Variants in SEMA5A observed in about 807,000 individuals in gnomAD.
SEMA5A encodes the protein semaphorin 5A.
A neutral mutation model predicts 135.5 loss-of-function variants in SEMA5A; 55 were observed. That is an observed-to-expected ratio of 0.41 (90% CI 0.33 to 0.51). SEMA5A has a LOEUF of 0.51. Ranked by LOEUF, SEMA5A falls within the 20% of genes least tolerant of loss-of-function variation. The pLI is 0.37. For synonymous variants in SEMA5A, 580 were observed against 546.5 expected (o/e 1.06, Z -0.85); for missense variants, 1,290 against 1,419.9 (o/e 0.91, Z 1.47).
intron 9 of SEMA5A, among the ~76,000 whole-genome samples, chr5:9,201,219 T>G (rs1182301148): frequency 1.3e-5 from 2 of 152,062 alleles, no homozygotes; most frequent in Non-Finnish European, 2.9e-5. Flanking sequence ...CACGTGCTCC[T>G]CCTGAGTCTT....
At chr5:9,197,024 A>G in intron 10 of SEMA5A, 144 bp downstream of exon 10, 1 of 1,133,496 alleles carries the variant, frequency 8.8e-7, no homozygotes, top group Non-Finnish European at 1.2e-6. Context: ...TAGCCAGCAG[A>G]GTATGGGGCT....
chr5:9,122,976 C>T (rs1740897438), intron 13 of SEMA5A, 139 bp from the exon 14 acceptor site: 2 of 767,524 alleles, frequency 2.6e-6, no homozygotes. Context: ...AGAAAAAGGG[C>T]CAGGCGCGGT....
rs1337337402 is a variant in SEMA5A at position 9,041,492 on chromosome 5, T to C, written c.*1405A>G. 1 of 152,212 alleles carries C rather than the reference T, an allele frequency of 6.6e-6. No individual in the cohort carries two copies. Among genetic ancestry groups the C allele is most frequent in the African/African-American group, 2.4e-5 (1 of 41,450 alleles). The allele number at this position is 152,212 out of a possible 1,614,324, so 9.4% of individuals were successfully genotyped here. ...TTTGTGAGAAAATTATATATTTTTT[T>C]CCAGGGACCTCTGTGAATGGTGTTA... On this transcript the variant is annotated 3_prime_UTR_variant, in exon 23 of 23. Transcript: ENST00000382496.
intron 8 of SEMA5A, among the ~76,000 whole-genome samples, chr5:9,208,134 T>G (rs1746148625): frequency 6.6e-6 from 1 of 152,234 alleles, no homozygotes; most frequent in Non-Finnish European, 1.5e-5. Context: ...CAAACGCACT[T>G]TGCTGGTAAT....
At chr5:9,222,575 C>T (rs1747068475) in intron 8 of SEMA5A, among the ~76,000 whole-genome samples, 1 of 152,170 alleles carries the variant, frequency 6.6e-6, no homozygotes, top group South Asian at 2.1e-4. Flanking sequence ...GTGGTAGAGC[C>T]ACCGTATTGA....
intron 4 of SEMA5A, among the ~76,000 whole-genome samples, chr5:9,334,801 A>C (rs1753309361): frequency 6.6e-6 from 1 of 152,204 alleles, no homozygotes; most frequent in East Asian, 1.9e-4. Context: ...TACTTATGAT[A>C]AACATATAAA....
chr5:9,303,996 T>C (rs12659751), intron 5 of SEMA5A, among the ~76,000 whole-genome samples: 25,759 of 152,068 alleles, frequency 0.17, 2,371 homozygotes, highest in East Asian at 0.24. Flanking sequence ...ACATGGAAAA[T>C]TGATTTTATC....
intron 3 of SEMA5A, among the ~76,000 whole-genome samples, chr5:9,374,534 G>C (rs1755277642): frequency 6.6e-6 from 1 of 152,036 alleles, no homozygotes; most frequent in Non-Finnish European, 1.5e-5. Context: ...TTACAAAAAA[G>C]CGTTCACGGG....
At chr5:9,157,566 T>C (rs1444835525) in intron 11 of SEMA5A, among the ~76,000 whole-genome samples, 2 of 152,174 alleles carry the variant, frequency 1.3e-5, no homozygotes, top group African/African-American at 4.8e-5. Context: ...CTGCCACTCC[T>C]GCAGCTTCCT....
chr5:9,084,407 T>C (rs541077059), intron 16 of SEMA5A, among the ~76,000 whole-genome samples: 4 of 152,308 alleles, frequency 2.6e-5, no homozygotes, highest in Admixed American at 6.5e-5. Context: ...AAATCTCATC[T>C]TGTAGCTCCC....
At chr5:9,265,007 A>C (rs932490491) in intron 5 of SEMA5A, among the ~76,000 whole-genome samples, 6 of 152,268 alleles carry the variant, frequency 3.9e-5, no homozygotes, top group Non-Finnish European at 8.8e-5. Context: ...AATTCCTTCT[A>C]ATCTTACTTT....
chr5:9,162,560 G>GTATATA (rs760785096), intron 11 of SEMA5A, among the ~76,000 whole-genome samples: 316 of 28,006 alleles, frequency 0.011, 8 homozygotes, highest in African/African-American at 0.049. Flanking sequence ...ATGTGTGTGT[G>GTATATA]TGTGTATATA....
intron 5 of SEMA5A, among the ~76,000 whole-genome samples, chr5:9,311,941 A>G (rs1056252910): frequency 2.0e-5 from 3 of 152,140 alleles, no homozygotes; most frequent in African/African-American, 7.2e-5. Flanking sequence ...GTGAGAAACA[A>G]GCAGTGAATT....
At chr5:9,523,948 G>A (rs147637390) in intron 1 of SEMA5A, among the ~76,000 whole-genome samples, 1 of 152,146 alleles carries the variant, frequency 6.6e-6, no homozygotes, top group South Asian at 2.1e-4. Flanking sequence ...ATTAAGATGA[G>A]GTCTAATATG....
At chr5:9,331,766 C>T (rs1347364506) in intron 4 of SEMA5A, among the ~76,000 whole-genome samples, 2 of 152,190 alleles carry the variant, frequency 1.3e-5, no homozygotes, top group East Asian at 3.8e-4. Flanking sequence ...TTTTAATGCA[C>T]CTAAGTTTAT....
intron 3 of SEMA5A, among the ~76,000 whole-genome samples, chr5:9,361,340 C>T (rs1754687048): frequency 1.3e-5 from 2 of 151,082 alleles, no homozygotes; most frequent in South Asian, 4.2e-4. Flanking sequence ...ACAACAAAAA[C>T]TCAATTCTAT....
chr5:9,312,974 G>T (rs1300557270), intron 5 of SEMA5A, among the ~76,000 whole-genome samples: 1 of 152,118 alleles, frequency 6.6e-6, no homozygotes, highest in African/African-American at 2.4e-5. Context: ...AGAATGGTGG[G>T]AGAGGAGTGG....
intron 4 of SEMA5A, among the ~76,000 whole-genome samples, chr5:9,330,102 T>C (rs1370546136): frequency 1.3e-5 from 2 of 151,000 alleles, no homozygotes; most frequent in Non-Finnish European, 2.9e-5. Context: ...ACTGTTGTAC[T>C]AGGCTGATAT....
intron 1 of SEMA5A, among the ~76,000 whole-genome samples, chr5:9,509,432 G>A (rs1392519925): frequency 4.0e-5 from 6 of 151,834 alleles, no homozygotes; most frequent in Non-Finnish European, 8.8e-5. Context: ...ACACCACCAC[G>A]CCCGGCTAAT....
Sources: allele counts gnomAD v4.1 joint callset (sites outside exome capture counted in the v4.1 genomes callset), GRCh38; gene constraint gnomAD v4.1.1; transcripts MANE v1.5; gene names NCBI Gene and HGNC (gene_info 2026-07-23, HGNC 2026-07-21).